Variants in CTNNA3 observed in about 807,000 individuals in gnomAD.
CTNNA3 encodes catenin alpha 3.
A neutral mutation model predicts 95.7 loss-of-function variants in CTNNA3; 76 were observed. The ratio of observed to expected loss-of-function variants is 0.79; its 90% CI spans 0.66 to 0.96. CTNNA3 has a LOEUF of 0.96. Among genes scored for constraint, CTNNA3 ranks in the 40% least tolerant of loss-of-function variants. The pLI, the probability that CTNNA3 is intolerant of heterozygous loss-of-function variation, is 0.00. For missense variants in CTNNA3, 1,191 were observed against 1,089.8 expected (o/e 1.09, Z -1.31); for synonymous variants, 431 against 374.4 (o/e 1.15, Z -1.74).
intron 5 of CTNNA3, among the ~76,000 whole-genome samples, chr10:67,268,712 G>T (rs1226669460): frequency 6.6e-6 from 1 of 152,116 alleles, no homozygotes; most frequent in African/African-American, 2.4e-5. Context: ...TAAACATTTT[G>T]AATTCAATTT....
In CTNNA3 at chr10:67,318,248, T is replaced by C. The variant is rs1841151394; in HGVS notation, c.580-98378A>G. On this transcript the variant is annotated intron_variant, in intron 5 of 17. Transcript: ENST00000433211. ...AGTGTGGCATCCATTTATTATCAACTACATTAATAATTAGGATTCTCCTAA... is the reference window on the plus strand; with the variant it reads ...AGTGTGGCATCCATTTATTATCAACCACATTAATAATTAGGATTCTCCTAA... Among the ~76,000 whole-genome samples the C allele has an allele frequency of 3.3e-5, 5 of 152,318 alleles. No individual in the cohort carries two copies. In the South Asian group the frequency reaches 1.0e-3, roughly 32 times the overall value.
chr10:66,487,820 G>A (rs1452601094), intron 11 of CTNNA3, among the ~76,000 whole-genome samples: 1 of 152,076 alleles, frequency 6.6e-6, no homozygotes, highest in Non-Finnish European at 1.5e-5. Flanking sequence ...TAAAGTAAAC[G>A]TTAAATTTAC....
intron 11 of CTNNA3, among the ~76,000 whole-genome samples, chr10:66,383,302 C>G (rs1230257239): frequency 6.6e-6 from 1 of 152,106 alleles, no homozygotes; most frequent in Non-Finnish European, 1.5e-5. Context: ...GACACATGCA[C>G]AAGCTTCAAT....
intron 3 of CTNNA3, among the ~76,000 whole-genome samples, chr10:67,597,450 T>C (rs1842963095): frequency 6.6e-6 from 1 of 152,224 alleles, no homozygotes; most frequent in African/African-American, 2.4e-5. Context: ...TTTTATATTC[T>C]TTGATGCCCT....
intron 7 of CTNNA3, among the ~76,000 whole-genome samples, chr10:67,003,475 G>A (rs895711263): frequency 5.3e-5 from 8 of 152,082 alleles, no homozygotes; most frequent in Non-Finnish European, 1.2e-4. Context: ...TTCCAAGATC[G>A]AATACTTTTG....
intron 13 of CTNNA3, among the ~76,000 whole-genome samples, chr10:66,158,536 T>C (rs565475214): frequency 4.6e-5 from 7 of 152,266 alleles, no homozygotes; most frequent in Admixed American, 2.0e-4. Context: ...TACCATGCTG[T>C]TTTGGTGACT....
At chr10:67,685,785 T>C (rs964366549) in intron 1 of CTNNA3, among the ~76,000 whole-genome samples, 1 of 152,216 alleles carries the variant, frequency 6.6e-6, no homozygotes, top group Non-Finnish European at 1.5e-5. Context: ...CTTTGATTTC[T>C]TCATCTGTCT....
intron 5 of CTNNA3, among the ~76,000 whole-genome samples, chr10:67,337,906 T>C (rs1842053034): frequency 6.6e-6 from 1 of 152,248 alleles, no homozygotes; most frequent in Admixed American, 6.5e-5. Flanking sequence ...ACATAACTTT[T>C]ATATGCACTG....
intron 11 of CTNNA3, among the ~76,000 whole-genome samples, chr10:66,391,439 T>A (rs964425728): frequency 6.6e-6 from 1 of 152,144 alleles, no homozygotes; most frequent in Non-Finnish European, 1.5e-5. Context: ...AATGGACTAT[T>A]GCTTGTCCTT....
At chr10:66,840,435 T>C (rs768280402) in intron 7 of CTNNA3, among the ~76,000 whole-genome samples, 50 of 144,590 alleles carry the variant, frequency 3.5e-4, no homozygotes, top group Admixed American at 1.1e-3. Context: ...TTGGAAGTCC[T>C]TCCTCAGTAC....
intron 9 of CTNNA3, among the ~76,000 whole-genome samples, chr10:66,764,040 T>C (rs77969958): frequency 7.2e-4 from 109 of 152,318 alleles, no homozygotes; most frequent in African/African-American, 2.5e-3. Flanking sequence ...TGGTTTGTTA[T>C]ATACTAAAAG....
At chr10:66,696,277 T>G (rs1329864590) in intron 9 of CTNNA3, among the ~76,000 whole-genome samples, 2 of 152,224 alleles carry the variant, frequency 1.3e-5, no homozygotes, top group African/African-American at 4.8e-5. Flanking sequence ...TTCTTTCATT[T>G]TAAAATAAAG....
Position 67,014,110 on chromosome 10 carries a change from T to C in CTNNA3, c.1047+166207A>G, listed in dbSNP as rs115248603. Among the ~76,000 whole-genome samples the C allele has an allele frequency of 4.9e-3, 743 of 152,332 alleles. 14 individuals carry two copies. The highest frequency in any genetic ancestry group is 0.017 in the African/African-American group (696 of 41,584). Reference sequence around the variant, plus strand: ...CAACATTAGTTTGTATTTTGGTTCATTGTAGAAGTCGATCACTATTGTGCA... The same window carrying C: ...CAACATTAGTTTGTATTTTGGTTCACTGTAGAAGTCGATCACTATTGTGCA... On this transcript the variant is annotated intron_variant, in intron 7 of 17. Transcript: ENST00000433211.
At chr10:67,312,049 G>C (rs549168618) in intron 5 of CTNNA3, among the ~76,000 whole-genome samples, 8 of 150,268 alleles carry the variant, frequency 5.3e-5, no homozygotes, top group Admixed American at 2.7e-4. Flanking sequence ...TGCAAGGCTT[G>C]TGAAAAAATA....
rs7090100 is a variant in CTNNA3, at chr10:66,520,503, C to T, written c.1531+114G>A. The T allele has an allele frequency of 1.4e-3, 1,203 of 878,380 alleles. 10 individuals carry two copies. In the African/African-American group the frequency reaches 0.018, roughly 13 times the overall value. 54.4% of individuals were successfully genotyped at this position (878,380 alleles called of 1,614,324 possible). On this transcript the variant is annotated intron_variant, in intron 11 of 17. Transcript: ENST00000433211. ...CTGACCTCAAGTAATCCACCTGCCT[C>T]GGCTTCCCAAAGTGTTGGCATTACA...
intron 7 of CTNNA3, among the ~76,000 whole-genome samples, chr10:66,932,458 G>A (rs955556044): frequency 1.3e-5 from 2 of 152,116 alleles, no homozygotes; most frequent in African/African-American, 4.8e-5. Context: ...CAGAATCTGT[G>A]TTGCTTCATC....
chr10:66,410,839 G>C (rs537925740), intron 11 of CTNNA3, among the ~76,000 whole-genome samples: 2 of 152,074 alleles, frequency 1.3e-5, no homozygotes, highest in Non-Finnish European at 2.9e-5. Context: ...TCTCATCCTG[G>C]TGTTGGTCAT....
At chr10:66,489,125 G>T (rs1839834228) in intron 11 of CTNNA3, among the ~76,000 whole-genome samples, 2 of 152,078 alleles carry the variant, frequency 1.3e-5, no homozygotes, top group Non-Finnish European at 2.9e-5. Context: ...ACGAACCAAG[G>T]TTAGATCACT....
intron 7 of CTNNA3, among the ~76,000 whole-genome samples, chr10:66,888,702 C>T (rs780869018): frequency 8.5e-5 from 13 of 152,082 alleles, no homozygotes; most frequent in Non-Finnish European, 7.4e-5. Flanking sequence ...TGGTTAAAAT[C>T]CAAAACACTA....
Sources: allele counts gnomAD v4.1 joint callset (sites outside exome capture counted in the v4.1 genomes callset), GRCh38; gene constraint gnomAD v4.1.1; transcripts MANE v1.5; gene names NCBI Gene and HGNC (gene_info 2026-07-23, HGNC 2026-07-21).